The following UNC45A variants were observed in gnomAD, a reference collection of about 807,000 sequenced individuals.
The protein encoded by UNC45A is unc-45 myosin chaperone A, also known as protein unc-45 homolog A.
In UNC45A, 78 loss-of-function variants were observed where a neutral mutation model predicts 103.2. The ratio of observed to expected loss-of-function variants is 0.76; its 90% CI spans 0.63 to 0.91. The LOEUF (loss-of-function observed/expected upper bound fraction) is 0.91. Among genes scored for constraint, UNC45A ranks in the 40% least tolerant of loss-of-function variants. UNC45A has a pLI of 0.00. For missense variants in UNC45A, 1,193 were observed against 1,224.8 expected (o/e 0.97, Z 0.39); for synonymous variants, 495 against 504.6 (o/e 0.98, Z 0.25).
intron 12 of UNC45A, 58 bp downstream of exon 12, chr15:90,948,341 A>G: frequency 6.3e-7 from 1 of 1,599,602 alleles, no homozygotes; most frequent in African/African-American, 1.3e-5. Flanking sequence ...AGACCTTACC[A>G]GGCTTTCTCG....
chr15:90,931,467 A>G, upstream of UNC45A: 4 of 1,614,026 alleles, frequency 2.5e-6, no homozygotes, highest in Non-Finnish European at 3.4e-6. Flanking sequence ...CCTTTTCCCC[A>G]CTTCCTGGCA....
chr15:90,931,705 C>G, upstream of UNC45A: 1 of 1,614,104 alleles, frequency 6.2e-7, no homozygotes, highest in Non-Finnish European at 8.5e-7. Context: ...AAAGCGTACC[C>G]TCTGGGGTGC....
chr15:90,931,272 T>G (rs1325209940), upstream of UNC45A: 1 of 1,550,618 alleles, frequency 6.4e-7, no homozygotes, highest in Non-Finnish European at 8.7e-7. Flanking sequence ...CTTCAAGCAC[T>G]GATCAGATTG....
At chr15:90,935,257 C>T, upstream of UNC45A, 1 of 1,467,010 alleles carries the variant, frequency 6.8e-7, no homozygotes, top group Non-Finnish European at 9.3e-7. Flanking sequence ...CTGCCGGTGG[C>T]GTCCCGAACC....
At chr15:90,936,509 G>T in intron 4 of UNC45A, 49 bp downstream of exon 4, 3 of 1,597,246 alleles carry the variant, frequency 1.9e-6, no homozygotes, top group South Asian at 2.3e-5. Flanking sequence ...TGGTGAAGGG[G>T]TCTGGGCCAG....
chr15:90,950,155 C>T lies in UNC45A; in HGVS notation c.2075C>T (p.Ala692Val), dbSNP rs150470311. 100 of 1,551,266 alleles carry T rather than the reference C, an allele frequency of 6.4e-5. No homozygotes were observed. The highest frequency in any genetic ancestry group is 5.2e-4 in the Middle Eastern group (3 of 5,736). ...GCAGTGACGGGCTTGTTCCTACAGG[C>T]GCTGATCCCGCTGGCCCTGGAAGGC... ...GTVVAQGGGR[A>V]LIPLALEGTD... Residue 692 changes from alanine (A) to valine (V), a missense_variant and splice_region_variant, in exon 16 of 20, where the codon GCG (alanine) becomes GTG (valine). Coordinates refer to ENST00000418476, the MANE Select transcript of UNC45A (RefSeq NM_018671.5).
At position 90,953,256 on chromosome 15, in the gene UNC45A, C is replaced by T. The variant is rs2151377866; in HGVS notation, c.2523C>T (p.Gly841=). ...TGCTACAGCGGGCAGCTGCCGGGGGCTTGGCCATGCTTACCTCCATGCGGC... is the reference window on the plus strand; with the variant it reads ...TGCTACAGCGGGCAGCTGCCGGGGGTTTGGCCATGCTTACCTCCATGCGGC... ...DELLQRAAAG[G]LAMLTSMRPT... Residue 841 remains glycine, a synonymous_variant, in exon 19 of 20, where the codon GGC becomes GGT. Transcript: ENST00000418476. 1.2e-6 allele frequency: 2 copies of T among 1,613,562 alleles called. No individual in the cohort carries two copies. Among genetic ancestry groups the T allele is most frequent in the Non-Finnish European group, 1.7e-6 (2 of 1,179,978 alleles).
At chr15:90,945,661 C>G (rs1373333904) in intron 9 of UNC45A, among the ~76,000 whole-genome samples, 1 of 134,634 alleles carries the variant, frequency 7.4e-6, no homozygotes, top group African/African-American at 2.9e-5. Context: ...GATGGAGTTT[C>G]GCTCTTGTTG....
chr15:90,943,167 C>A, intron 8 of UNC45A, 85 bp downstream of exon 8: 1 of 1,472,792 alleles, frequency 6.8e-7, no homozygotes, highest in Non-Finnish European at 9.1e-7. Context: ...GTGAGTGGGG[C>A]CAGGCATGGT....
In UNC45A at chr15:90,954,009, C is replaced by G. The variant is rs11207; in HGVS notation, c.*293C>G. 2.3e-6 allele frequency: 1 copy of G among 444,020 alleles called. No individual in the cohort carries two copies. The allele number at this position is 444,020 out of a possible 1,614,324, so 27.5% of individuals were successfully genotyped here. ...ACACAGCCTGTGGATCCTGGGGCAT[C>G]TGGAAGGGCGCACACATCAGCAGCC... On this transcript the variant is annotated 3_prime_UTR_variant, in exon 20 of 20. Transcript: ENST00000418476.
chr15:90,952,045 T>A (rs2036943722), intron 17 of UNC45A, among the ~76,000 whole-genome samples: 1 of 152,158 alleles, frequency 6.6e-6, no homozygotes. Context: ...CTAGGCCTGG[T>A]TAGAAGGCTA....
intron 9 of UNC45A, 65 bp from the exon 10 acceptor site, chr15:90,946,544 GGGGAA>G: frequency 6.8e-7 from 1 of 1,474,498 alleles, no homozygotes; most frequent in Non-Finnish European, 9.0e-7. Flanking sequence ...GGCCAGTGGA[GGGGAA>G]GGGAGGGAAG....
At chr15:90,947,251 T>G (rs2036622784) in intron 10 of UNC45A, 1 of 313,610 alleles carries the variant, frequency 3.2e-6, no homozygotes. Context: ...GCATGGCTCC[T>G]CCCTCCATGG....
upstream of UNC45A, chr15:90,931,660 G>T (rs1396720229): frequency 2.5e-6 from 4 of 1,613,924 alleles, no homozygotes; most frequent in South Asian, 1.1e-5. Context: ...TTCAGAAGGC[G>T]GCATCCCCCT....
rs2037018850 is a variant in UNC45A, at chr15:90,953,140, C to T, written c.2422-15C>T. 21 of 1,612,974 alleles carry T rather than the reference C, an allele frequency of 1.3e-5. No individual in the cohort carries two copies. Among genetic ancestry groups the T allele is most frequent in the Non-Finnish European group, 1.7e-5 (20 of 1,179,398 alleles). Reference sequence around the variant, plus strand: ...CACCCAACTGACTTGGTCCACTCCTCACATCTGGCCACAGGTGCAGGACCT... The same window carrying T: ...CACCCAACTGACTTGGTCCACTCCTTACATCTGGCCACAGGTGCAGGACCT... On this transcript the variant is annotated splice_polypyrimidine_tract_variant and intron_variant, in intron 18 of 19. Transcript: ENST00000418476.
Position 90,947,857 on chromosome 15 carries a change from G to C in UNC45A, c.1562G>C (p.Gly521Ala). 6.2e-7 allele frequency: 1 copy of C among 1,614,060 alleles called. No individual in the cohort carries two copies. Among genetic ancestry groups the C allele is most frequent in the Non-Finnish European group, 8.5e-7 (1 of 1,179,996 alleles). Residue 521 changes from glycine to alanine, a missense_variant, in exon 11 of 20, where the codon GGC becomes GCC. Gly to Ala is a moderately conservative substitution (Grantham distance 60). Coordinates refer to ENST00000418476, the MANE Select transcript of UNC45A (RefSeq NM_018671.5). ...TDFSMKQFAE[G>A]STLKLAKQCR... ...TTCAGCATGAAGCAGTTTGCTGAAG[G>C]CTCCACTCTCAAACTGGCTAAGCAG... is the stretch of plus-strand genomic sequence containing the variant.
chr15:90,946,720 A>G lies in UNC45A; in HGVS notation c.1306A>G (p.Ser436Gly). ...CGCTGGCAACCGGGCCTTGGAGCTG[A>G]GCGGTGTCATGGAGAGTGTGATTGC... is the stretch of plus-strand genomic sequence containing the variant. The part of the protein sequence containing the change: ...CDAGNRALEL[S>G]GVMESVIALC... Residue 436 changes from serine (S) to glycine (G), a missense_variant, in exon 10 of 20, where the codon AGC becomes GGC. Coordinates refer to ENST00000418476, the MANE Select transcript of UNC45A (RefSeq NM_018671.5). The G allele has an allele frequency of 1.9e-6, 3 of 1,613,442 alleles. No individual in the cohort carries two copies. The highest frequency in any genetic ancestry group is 2.5e-6 in the Non-Finnish European group (3 of 1,180,020).
intron 10 of UNC45A, chr15:90,947,523 T>C: frequency 2.0e-6 from 1 of 492,524 alleles, no homozygotes; most frequent in East Asian, 3.4e-5. Flanking sequence ...AACAGAGCCA[T>C]TCTCAGTGTG....
intron 13 of UNC45A, 112 bp downstream of exon 13, chr15:90,948,906 TCTCA>T: frequency 8.2e-7 from 1 of 1,225,016 alleles, no homozygotes; most frequent in Middle Eastern, 3.0e-4. Context: ...TGAGATGGAG[TCTCA>T]CTGTCTCCCA....
Sources: gnomAD v4.1 joint callset for allele counts (sites outside exome capture counted in the v4.1 genomes callset) on GRCh38, gnomAD v4.1.1 for gene constraint, MANE v1.5 for transcripts, NCBI Gene and HGNC (gene_info 2026-07-23, HGNC 2026-07-21) for gene names.